Variants in BRCA1 observed in about 807,000 individuals in gnomAD.
BRCA1 encodes breast cancer type 1 susceptibility protein.
A neutral mutation model predicts 173.7 loss-of-function variants in BRCA1; 140 were observed. The observed-to-expected ratio is 0.81, with a 90% CI of 0.70 to 0.93. The LOEUF is 0.93. Among genes scored for constraint, BRCA1 ranks in the 40% least tolerant of loss-of-function variants. The pLI, the probability that BRCA1 is intolerant of heterozygous loss-of-function variation, is 0.00. For synonymous variants in BRCA1, 662 were observed against 756.0 expected (o/e 0.88, Z 2.04); for missense variants, 1,983 against 2,172.5 (o/e 0.91, Z 1.73).
intron 17 of BRCA1, among the ~76,000 whole-genome samples, 192 bp downstream of exon 17, chr17:43,063,682 C>T (rs1244995997): frequency 6.6e-6 from 1 of 152,098 alleles, no homozygotes; most frequent in African/African-American, 2.4e-5. Flanking sequence ...ATAAAAGAGA[C>T]CCATTTTCCC....
chr17:43,114,762 G>A (rs903698341), intron 3 of BRCA1, among the ~76,000 whole-genome samples: 4 of 151,804 alleles, frequency 2.6e-5, no homozygotes, highest in African/African-American at 9.7e-5. Context: ...TTATGTACCA[G>A]GTACATAAAT....
chr17:43,168,534 G>A (rs1444108247), intron 1 of BRCA1, among the ~76,000 whole-genome samples: 1 of 152,178 alleles, frequency 6.6e-6, no homozygotes, highest in African/African-American at 2.4e-5. Context: ...CAGCTACTCG[G>A]GAGCTGAGGC....
intron 1 of BRCA1, among the ~76,000 whole-genome samples, chr17:43,151,187 A>G (rs1318029153): frequency 6.6e-6 from 1 of 152,242 alleles, no homozygotes; most frequent in Non-Finnish European, 1.5e-5. Flanking sequence ...ATCTATTTAC[A>G]TAGCCAAGAT....
intron 11 of BRCA1, 69 bp downstream of exon 11, chr17:43,090,871 AATGT>A: frequency 1.5e-6 from 2 of 1,349,374 alleles, no homozygotes; most frequent in Non-Finnish European, 1.0e-6. Context: ...CAAACCTAAG[AATGT>A]GGGATACATA....
chr17:43,047,746 G>A (rs2152818829), intron 21 of BRCA1, 43 bp from the exon 22 acceptor site: 1 of 1,598,594 alleles, frequency 6.3e-7, no homozygotes, highest in South Asian at 1.1e-5. Flanking sequence ...TGTCAAAGTA[G>A]GACTACTGGA....
chr17:43,054,604 T>C (rs895649925), intron 19 of BRCA1, among the ~76,000 whole-genome samples: 1 of 152,050 alleles, frequency 6.6e-6, no homozygotes, highest in Non-Finnish European at 1.5e-5. Flanking sequence ...GACACCCAAT[T>C]AATTTTTAAA....
Position 43,094,828 on chromosome 17 carries a change from T to G in BRCA1, c.703A>C (p.Asn235His), listed in dbSNP as rs2154497564. 6.2e-7 allele frequency: 1 copy of G among 1,613,780 alleles called. No homozygotes were observed. Among genetic ancestry groups the G allele is most frequent in the Non-Finnish European group, 8.5e-7 (1 of 1,179,918 alleles). Residue 235 changes from asparagine to histidine, a missense_variant, in exon 10 of 23, where the codon AAT (asparagine) becomes CAT (histidine). Asn to His is a moderately conservative substitution (Grantham distance 68, BLOSUM62 1). Transcript: ENST00000357654. Reference protein sequence around the residue: ...ACEFSETDVTNTEHHQPSNND... With the variant: ...ACEFSETDVTHTEHHQPSNND... ...TTACTGGGTTGATGATGTTCAGTAT[T>G]TGTTACATCCGTCTCAGAAAATTCA... is the stretch of plus-strand genomic sequence containing the variant.
At chr17:43,115,478 G>A (rs1247961378) in intron 3 of BRCA1, among the ~76,000 whole-genome samples, 1 of 150,928 alleles carries the variant, frequency 6.6e-6, no homozygotes, top group Non-Finnish European at 1.5e-5. Context: ...CTCCAGCCTG[G>A]GCGACAGAGC....
intron 3 of BRCA1, among the ~76,000 whole-genome samples, chr17:43,112,877 C>G (rs2055106441): frequency 6.6e-6 from 1 of 151,886 alleles, no homozygotes; most frequent in South Asian, 2.1e-4. Flanking sequence ...AATCTCGGCT[C>G]ACTGCAACCT....
rs766934857 is a variant in BRCA1 at position 43,093,962 on chromosome 17, C to T, written c.1569G>A (p.Leu523=). 1 of 1,613,642 alleles carries T rather than the reference C, an allele frequency of 6.2e-7. No homozygotes were observed. The highest frequency in any genetic ancestry group is 8.5e-7 in the Non-Finnish European group (1 of 1,179,880). Residue 523 remains leucine (L), a synonymous_variant, in exon 10 of 23, where the codon TTG becomes TTA. Transcript: ENST00000357654. ...TCATTTCAGGAGTCTTTTGAACTGC[C>T]AAATCTGCTTTCTTGATAAAATCCT... ...HPEDFIKKAD[L]AVQKTPEMIN... is the part of the protein sequence containing the mutation.
chr17:43,161,990 ACTT>A (rs1336990461), intron 1 of BRCA1: 2 of 152,148 alleles, frequency 1.3e-5, no homozygotes, highest in Non-Finnish European at 2.9e-5. Flanking sequence ...GCATTTGTAA[ACTT>A]CTCCTCGAAC....
At chr17:43,072,762 C>T (rs1352596940) in intron 14 of BRCA1, among the ~76,000 whole-genome samples, 1 of 151,934 alleles carries the variant, frequency 6.6e-6, no homozygotes, top group Non-Finnish European at 1.5e-5. Context: ...CAGGGTTTCT[C>T]CATATTGGTC....
At chr17:43,053,536 C>T (rs939371847) in intron 19 of BRCA1, among the ~76,000 whole-genome samples, 57 of 152,138 alleles carry the variant, frequency 3.7e-4, no homozygotes, top group Non-Finnish European at 8.8e-5. Context: ...GTGGCGGGCA[C>T]CTGTAGTCCC....
chr17:43,098,941 C>T (rs1416996011), intron 7 of BRCA1, among the ~76,000 whole-genome samples: 2 of 151,584 alleles, frequency 1.3e-5, no homozygotes, highest in South Asian at 2.1e-4. Flanking sequence ...CCTCAGCCTC[C>T]TGAGTAGCTG....
chr17:43,053,019 G>A (rs2051314844), intron 19 of BRCA1, among the ~76,000 whole-genome samples: 1 of 151,688 alleles, frequency 6.6e-6, no homozygotes, highest in Admixed American at 6.6e-5. Context: ...TGGGATTACA[G>A]GTGCACACCA....
intron 11 of BRCA1, among the ~76,000 whole-genome samples, chr17:43,088,413 T>A (rs925195304): frequency 2.6e-5 from 4 of 152,016 alleles, no homozygotes; most frequent in Admixed American, 2.0e-4. Context: ...GGCTTATCTA[T>A]AGGCAATGTA....
chr17:43,049,230 A>C (rs1373369475), intron 20 of BRCA1, 36 bp from the exon 21 acceptor site: 1 of 1,585,966 alleles, frequency 6.3e-7, no homozygotes, highest in Non-Finnish European at 8.7e-7. Context: ...TCACTGCAGT[A>C]ATCTGCATAC....
intron 1 of BRCA1, among the ~76,000 whole-genome samples, chr17:43,139,178 T>C (rs2056054197): frequency 1.3e-5 from 1 of 74,738 alleles, no homozygotes; most frequent in Non-Finnish European, 3.0e-5. Flanking sequence ...GAGCATTGTC[T>C]TTTTTTTTTT....
At chr17:43,143,942 C>T (rs193004724) in intron 1 of BRCA1, among the ~76,000 whole-genome samples, 7 of 152,166 alleles carry the variant, frequency 4.6e-5, no homozygotes, top group African/African-American at 1.4e-4. Context: ...AAAACCAGGC[C>T]GGGTGCGGTG....
Sources: gnomAD v4.1 joint callset for allele counts (sites outside exome capture counted in the v4.1 genomes callset) on GRCh38, gnomAD v4.1.1 for gene constraint, MANE v1.5 for transcripts, NCBI Gene and HGNC (gene_info 2026-07-23, HGNC 2026-07-21) for gene names.